Variants in SLC8A3 observed in about 807,000 individuals in gnomAD.
SLC8A3 encodes solute carrier family 8 member A3.
Under a neutral mutation model 65.4 loss-of-function variants are expected in SLC8A3, and 37 were observed. The observed-to-expected ratio is 0.57, with a 90% CI of 0.44 to 0.74. The LOEUF is 0.74. Ranked by LOEUF, SLC8A3 falls within the 30% of genes least tolerant of loss-of-function variation. SLC8A3 has a pLI of 0.00. For synonymous variants in SLC8A3, 461 were observed against 444.5 expected (o/e 1.04, Z -0.47); for missense variants, 1,112 against 1,172.1 (o/e 0.95, Z 0.75).
chr14:70,067,817 T>G (rs1433653514), intron 2 of SLC8A3, among the ~76,000 whole-genome samples: 1 of 152,114 alleles, frequency 6.6e-6, no homozygotes, highest in Admixed American at 6.5e-5. Flanking sequence ...CTGGTTCAAG[T>G]GAGGGTTTTC....
chr14:70,048,930 G>T lies in SLC8A3; in HGVS notation c.2226C>A (p.Pro742=), dbSNP rs369774742. 8 of 1,614,060 alleles carry T rather than the reference G, an allele frequency of 5.0e-6. No individual in the cohort carries two copies. The highest frequency in any genetic ancestry group is 2.2e-5 in the South Asian group (2 of 91,074). The change falls in exon 6 of 7, where the codon CCC becomes CCA. Residue 742 remains proline (P), a synonymous_variant. Transcript: ENST00000356921. ...FWKVLFACVP[P]TEYCHGWACF... is the part of the protein sequence containing the mutation. ...AGGCCCAGCCGTGGCAGTACTCTGT[G>T]GGGGGCACACAGGCAAACAGCACCT...
intron 2 of SLC8A3, among the ~76,000 whole-genome samples, chr14:70,137,395 G>A (rs147397658): frequency 2.8e-4 from 42 of 152,150 alleles, no homozygotes; most frequent in African/African-American, 9.4e-4. Context: ...ACCCCACATC[G>A]GCCTCCCAAA....
chr14:70,091,007 C>T (rs1458862872), intron 2 of SLC8A3, among the ~76,000 whole-genome samples: 2 of 152,136 alleles, frequency 1.3e-5, no homozygotes, highest in African/African-American at 4.8e-5. Flanking sequence ...AGTTGACAAC[C>T]CCTGGACTAA....
chr14:70,139,026 G>A (rs781535070), intron 2 of SLC8A3, among the ~76,000 whole-genome samples: 7 of 152,198 alleles, frequency 4.6e-5, no homozygotes, highest in Non-Finnish European at 8.8e-5. Flanking sequence ...CAATTGGAGT[G>A]CCAAACTGAG....
At chr14:70,093,704 T>C (rs1396491705) in intron 2 of SLC8A3, among the ~76,000 whole-genome samples, 1 of 152,218 alleles carries the variant, frequency 6.6e-6, no homozygotes, top group Non-Finnish European at 1.5e-5. Context: ...CCAATTCTGA[T>C]GTCTGCTTTC....
At chr14:70,140,385 G>A (rs1313667923) in intron 2 of SLC8A3, among the ~76,000 whole-genome samples, 4 of 152,156 alleles carry the variant, frequency 2.6e-5, no homozygotes, top group African/African-American at 9.7e-5. Context: ...GGGAAACAGA[G>A]GGTAAGAGGT....
intron 2 of SLC8A3, among the ~76,000 whole-genome samples, chr14:70,150,157 C>T (rs945098470): frequency 1.3e-5 from 2 of 152,186 alleles, no homozygotes; most frequent in South Asian, 4.1e-4. Flanking sequence ...AAAACTAGTA[C>T]ATCATACCCC....
intron 1 of SLC8A3, among the ~76,000 whole-genome samples, chr14:70,172,883 A>G (rs1215607506): frequency 6.6e-6 from 1 of 152,160 alleles, no homozygotes; most frequent in Admixed American, 6.5e-5. Flanking sequence ...GACTTCAAGC[A>G]TGAGTGAGCT....
intron 3 of SLC8A3, among the ~76,000 whole-genome samples, chr14:70,056,827 G>A (rs2139785033): frequency 6.6e-6 from 1 of 152,276 alleles, no homozygotes. Context: ...CCCAATACAG[G>A]TTGTCTCTAG....
chr14:70,080,211 T>C, intron 2 of SLC8A3: 1 of 985,422 alleles, frequency 1.0e-6, no homozygotes, highest in Non-Finnish European at 1.2e-6. Context: ...ATACTCAGAC[T>C]ATATTTAGAT....
At chr14:70,080,203 A>G (rs940286463) in intron 2 of SLC8A3, 2 of 984,998 alleles carry the variant, frequency 2.0e-6, no homozygotes, top group Admixed American at 6.2e-5. Flanking sequence ...AAGAGTTGAT[A>G]CTCAGACTAT....
chr14:70,097,027 C>T (rs371711825), intron 2 of SLC8A3, among the ~76,000 whole-genome samples: 3 of 152,152 alleles, frequency 2.0e-5, no homozygotes, highest in Non-Finnish European at 2.9e-5. Context: ...GGAAATTAAA[C>T]GTCCTGAGGA....
In SLC8A3 at chr14:70,074,118, A is replaced by C. The variant is rs189987631; in HGVS notation, c.1785-13179T>G. Among the ~76,000 whole-genome samples the C allele has an allele frequency of 7.2e-5, 11 of 152,366 alleles. No individual in the cohort carries two copies. In the East Asian group the frequency reaches 1.2e-3, roughly 16 times the overall value. On this transcript the variant is annotated intron_variant, in intron 2 of 6. Transcript: ENST00000356921. Reference sequence around the variant, plus strand: ...CTGCACTGGGCTCCAGGCACATAGAAGCCAATGAGAATGCTGCCCCCTGGT... The same window carrying C: ...CTGCACTGGGCTCCAGGCACATAGACGCCAATGAGAATGCTGCCCCCTGGT...
At chr14:70,112,987 C>G (rs1893409548) in intron 2 of SLC8A3, among the ~76,000 whole-genome samples, 1 of 9,704 alleles carries the variant, frequency 1.0e-4, no homozygotes, top group Non-Finnish European at 3.0e-4. Context: ...TTGCAAAGAC[C>G]CTATTTCTAA....
At chr14:70,099,551 G>A (rs1208037031) in intron 2 of SLC8A3, among the ~76,000 whole-genome samples, 1 of 152,178 alleles carries the variant, frequency 6.6e-6, no homozygotes, top group Non-Finnish European at 1.5e-5. Flanking sequence ...CATAGAGAAT[G>A]AAGCTAACAG....
chr14:70,094,044 T>A (rs1460161866), intron 2 of SLC8A3, among the ~76,000 whole-genome samples: 1 of 152,216 alleles, frequency 6.6e-6, no homozygotes, highest in Non-Finnish European at 1.5e-5. Context: ...CATGGAAAAG[T>A]GGCCAGGGGA....
chr14:70,139,540 C>T (rs748100530), intron 2 of SLC8A3, among the ~76,000 whole-genome samples: 10 of 152,136 alleles, frequency 6.6e-5, no homozygotes, highest in African/African-American at 1.7e-4. Context: ...GCCAGCCAGG[C>T]GAGGAGGAAC....
chr14:70,104,859 A>G (rs1892751673), intron 2 of SLC8A3, among the ~76,000 whole-genome samples: 1 of 152,204 alleles, frequency 6.6e-6, no homozygotes, highest in Non-Finnish European at 1.5e-5. Context: ...GAAAGGTTCA[A>G]AATCAATGAT....
At position 70,062,309 on chromosome 14, in the gene SLC8A3, T is replaced by G. The variant is rs552356852; in HGVS notation, c.1785-1370A>C. 2.0e-5 allele frequency among the ~76,000 whole-genome samples: 3 copies of G among 152,332 alleles called. No homozygotes were observed. The South Asian group carries it at 6.2e-4, about 32-fold the overall frequency. On this transcript the variant is annotated intron_variant, in intron 2 of 6. Coordinates refer to ENST00000356921, the MANE Select transcript of SLC8A3 (RefSeq NM_182932.3). ...CACAGGACTTGCTGTGCATTTGTGG[T>G]GTGTGTACTTTACAAGTACAGTCAC... is the stretch of plus-strand genomic sequence containing the variant.
Sources: gnomAD v4.1 joint callset for allele counts (sites outside exome capture counted in the v4.1 genomes callset) on GRCh38, gnomAD v4.1.1 for gene constraint, MANE v1.5 for transcripts, NCBI Gene and HGNC (gene_info 2026-07-23, HGNC 2026-07-21) for gene names.